NRG1: variants seen among roughly 807,000 people sequenced by gnomAD.
NRG1 encodes the protein neuregulin 1, also known as pro-neuregulin-1, membrane-bound isoform.
A neutral mutation model predicts 63.8 loss-of-function variants in NRG1; 18 were observed. That is an observed-to-expected ratio of 0.28 (90% confidence interval 0.19 to 0.42). The LOEUF (loss-of-function observed/expected upper bound fraction) is 0.42, where lower values mean the gene tolerates loss of function less well. Among genes scored for constraint, NRG1 ranks in the 10% least tolerant of loss-of-function variants. The pLI is 1.00. For missense variants in NRG1, 762 were observed against 814.7 expected (o/e 0.94, Z 0.79); for synonymous variants, 302 against 301.3 (o/e 1.00, Z -0.02).
Position 31,739,743 on chromosome 8 carries a change from G to A in NRG1, c.37+100312G>A, listed in dbSNP as rs116990959. Among the ~76,000 whole-genome samples, 588 of 152,154 alleles carry A rather than the reference G, an allele frequency of 3.9e-3. 1 individual carries two copies. The highest frequency in any genetic ancestry group is 0.019 in the South Asian group (91 of 4,820). On this transcript the variant is annotated intron_variant, in intron 1 of 10. Coordinates refer to the NRG1 transcript ENST00000519301. ...GAGAATTTCTCTTCTTTTGATGCTC[G>A]TGTTGTCAGTTGCACGAGAGTGTTC... is the stretch of plus-strand genomic sequence containing the variant.
At chr8:32,535,637 A>G (rs1029434205) in intron 1 of NRG1, among the ~76,000 whole-genome samples, 1 of 152,224 alleles carries the variant, frequency 6.6e-6, no homozygotes, top group Non-Finnish European at 1.5e-5. Context: ...TAGAGACAGG[A>G]TGATCTACAA....
intron 9 of NRG1, among the ~76,000 whole-genome samples, chr8:32,758,505 G>A (rs1031061934): frequency 1.3e-5 from 2 of 150,078 alleles, no homozygotes; most frequent in African/African-American, 5.0e-5. Context: ...TGAACCGGGA[G>A]GTGGAGGTTG....
chr8:32,683,275 A>G (rs186428889), intron 5 of NRG1, among the ~76,000 whole-genome samples: 133 of 152,272 alleles, frequency 8.7e-4, no homozygotes, highest in African/African-American at 2.5e-3. Flanking sequence ...GTTGATGTAA[A>G]TTGCCATAAA....
At chr8:32,065,367 C>A (rs926390312) in intron 1 of NRG1, among the ~76,000 whole-genome samples, 1 of 152,142 alleles carries the variant, frequency 6.6e-6, no homozygotes, top group Non-Finnish European at 1.5e-5. Flanking sequence ...CACCACCCCA[C>A]AACAGGCCCC....
intron 1 of NRG1, among the ~76,000 whole-genome samples, chr8:32,481,250 G>A (rs181106817): frequency 2.6e-5 from 4 of 151,928 alleles, no homozygotes; most frequent in Admixed American, 6.6e-5. Flanking sequence ...AGGCTGAGGT[G>A]GGGGGATTGC....
In NRG1 at chr8:31,669,352, C is replaced by T. The variant is rs190423424; in HGVS notation, c.37+29921C>T. ...TCCCAGGTTCAAGCGATTCTCCTGC[C>T]TCAGCCTCCCAAGCAGCTGGGATTA... On this transcript the variant is annotated intron_variant, in intron 1 of 10. Transcript: ENST00000519301. Among the ~76,000 whole-genome samples the T allele has an allele frequency of 5.9e-3, 902 of 152,186 alleles. 5 individuals carry two copies. The highest frequency in any genetic ancestry group is 0.01 in the Middle Eastern group (3 of 294).
intron 1 of NRG1, among the ~76,000 whole-genome samples, chr8:31,712,984 CCCATCCATCCATCCATCCATCCAT>C (rs66850785): frequency 7.5e-6 from 1 of 132,760 alleles, no homozygotes; most frequent in African/African-American, 2.8e-5. Context: ...CATCCATCCA[CCCATCCATCCATCCATCCATCCAT>C]CCATCCATCC....
At chr8:32,185,862 T>G (rs1449526222) in intron 1 of NRG1, among the ~76,000 whole-genome samples, 3 of 152,240 alleles carry the variant, frequency 2.0e-5, no homozygotes, top group Non-Finnish European at 2.9e-5. Context: ...ATTAATTTAT[T>G]ATAAAAGTTA....
intron 1 of NRG1, among the ~76,000 whole-genome samples, chr8:32,543,250 T>C (rs1348390818): frequency 6.6e-6 from 1 of 152,180 alleles, no homozygotes. Context: ...CCCAGATACA[T>C]ATATATTGAC....
intron 1 of NRG1, among the ~76,000 whole-genome samples, chr8:32,247,436 A>G (rs974015570): frequency 6.6e-6 from 1 of 152,126 alleles, no homozygotes. Flanking sequence ...AAATAGTAAC[A>G]TATCAAATAA....
chr8:31,718,128 T>A (rs773430459), intron 1 of NRG1, among the ~76,000 whole-genome samples: 8 of 152,028 alleles, frequency 5.3e-5, no homozygotes, highest in Non-Finnish European at 1.0e-4. Flanking sequence ...TTGTAAGGAG[T>A]GAAATACCCA....
At chr8:31,966,997 C>A (rs1806454559) in intron 1 of NRG1, among the ~76,000 whole-genome samples, 1 of 152,096 alleles carries the variant, frequency 6.6e-6, no homozygotes, top group South Asian at 2.1e-4. Context: ...TTTCACAGCA[C>A]ATTGCTCTTC....
intron 5 of NRG1, chr8:32,646,871 G>C: frequency 2.0e-6 from 2 of 985,142 alleles, no homozygotes; most frequent in Non-Finnish European, 2.4e-6. Context: ...TCTAGAGTGT[G>C]GGTAGAGAGC....
At chr8:31,759,212 A>G (rs1006437790) in intron 1 of NRG1, among the ~76,000 whole-genome samples, 16 of 152,088 alleles carry the variant, frequency 1.1e-4, no homozygotes, top group Non-Finnish European at 2.4e-4. Context: ...TTCTTAAAGG[A>G]TGTCTTTTGA....
rs141743883 is a variant in NRG1, at chr8:31,901,092, A to C, written c.37+261661A>C. ...TCAAAATTTAGACACTAATGAGTAG[A>C]TGGCAAGTCTTGTTTATAAGCATTA... On this transcript the variant is annotated intron_variant, in intron 1 of 10. Transcript: ENST00000519301. 6.8e-3 allele frequency among the ~76,000 whole-genome samples: 1,040 copies of C among 152,332 alleles called. 14 individuals carry two copies. Among genetic ancestry groups the C allele is most frequent in the African/African-American group, 0.023 (937 of 41,572 alleles).
intron 5 of NRG1, among the ~76,000 whole-genome samples, chr8:32,696,419 C>T (rs950463254): frequency 3.3e-5 from 5 of 152,040 alleles, no homozygotes; most frequent in Non-Finnish European, 5.9e-5. Flanking sequence ...TCTGCCTTTG[C>T]TTTTTCATTC....
intron 5 of NRG1, among the ~76,000 whole-genome samples, chr8:32,622,938 G>T (rs1289766310): frequency 6.6e-6 from 1 of 152,186 alleles, no homozygotes; most frequent in Admixed American, 6.5e-5. Flanking sequence ...AGAAGGAAAC[G>T]AGTTTATGAT....
At chr8:31,718,088 A>C (rs1000345766) in intron 1 of NRG1, among the ~76,000 whole-genome samples, 1 of 152,174 alleles carries the variant, frequency 6.6e-6, no homozygotes, top group African/African-American at 2.4e-5. Flanking sequence ...TTTTTAACCT[A>C]ATGGATATTT....
At chr8:31,737,292 T>C (rs1814778616) in intron 1 of NRG1, among the ~76,000 whole-genome samples, 1 of 152,064 alleles carries the variant, frequency 6.6e-6, no homozygotes, top group Non-Finnish European at 1.5e-5. Flanking sequence ...TCCAAGACTG[T>C]GTTATGTGGC....
Sources: allele counts gnomAD v4.1 joint callset (sites outside exome capture counted in the v4.1 genomes callset), GRCh38; gene constraint gnomAD v4.1.1; transcripts MANE v1.5; gene names NCBI Gene and HGNC (gene_info 2026-07-23, HGNC 2026-07-21).